Variants in SPSB4 observed in about 807,000 individuals in gnomAD.
SPSB4 encodes SPRY domain-containing SOCS box protein 4.
Under a neutral mutation model 20.9 loss-of-function variants are expected in SPSB4, and 21 were observed. That is an observed-to-expected ratio of 1.01 (90% confidence interval 0.71 to 1.45). SPSB4 has a LOEUF of 1.45. Ranked by LOEUF, SPSB4 falls within the 40% of genes most tolerant of loss-of-function variation. The pLI is 0.00. For synonymous variants in SPSB4, 207 were observed against 183.8 expected, an observed-to-expected ratio of 1.13 and a Z score of -1.02; for missense variants, 399 against 399.2, an observed-to-expected ratio of 1.00 and a Z score of 0.00.
chr3:141,084,440 G>A (rs1032182716), intron 2 of SPSB4, among the ~76,000 whole-genome samples: 8 of 152,270 alleles, frequency 5.3e-5, no homozygotes, highest in African/African-American at 1.7e-4. Context: ...GCTGTACTAT[G>A]CCAGCACAGA....
At chr3:141,079,967 G>A (rs755915736) in intron 2 of SPSB4, among the ~76,000 whole-genome samples, 7 of 152,298 alleles carry the variant, frequency 4.6e-5, no homozygotes, top group Non-Finnish European at 1.0e-4. Flanking sequence ...GCAGCAGGGA[G>A]ACACCAACAT....
Position 141,128,592 on chromosome 3 carries a change from G to A in SPSB4, c.695-18550G>A, listed in dbSNP as rs372830334. Among the ~76,000 whole-genome samples, 33 of 152,280 alleles carry A rather than the reference G, an allele frequency of 2.2e-4. 1 individual carries two copies. The East Asian group carries it at 5.0e-3, about 23-fold the overall frequency. On this transcript the variant is annotated intron_variant, in intron 2 of 2. Transcript: ENST00000310546. ...CCCCCAGAGAAGGTGGAAGGGCAACGGGGTGCCGGCACAGAATGCTTGGTC... is the reference window on the plus strand; with the variant it reads ...CCCCCAGAGAAGGTGGAAGGGCAACAGGGTGCCGGCACAGAATGCTTGGTC...
At chr3:141,073,548 T>G (rs1390064271) in intron 2 of SPSB4, among the ~76,000 whole-genome samples, 1 of 152,224 alleles carries the variant, frequency 6.6e-6, no homozygotes, top group Non-Finnish European at 1.5e-5. Flanking sequence ...TGTTTTGCTT[T>G]TCTGTTATTG....
chr3:141,137,580 C>G (rs1939250568), intron 2 of SPSB4, among the ~76,000 whole-genome samples: 1 of 152,206 alleles, frequency 6.6e-6, no homozygotes, highest in Non-Finnish European at 1.5e-5. Context: ...TTTTCTGCAT[C>G]TGTTGAGAAA....
intron 2 of SPSB4, among the ~76,000 whole-genome samples, chr3:141,141,106 C>T (rs1221553702): frequency 3.3e-5 from 5 of 152,266 alleles, no homozygotes; most frequent in African/African-American, 1.2e-4. Context: ...GAGTGAGGCT[C>T]TGTGGGCATA....
chr3:141,091,422 AATT>A (rs1262691583), intron 2 of SPSB4, among the ~76,000 whole-genome samples: 5 of 152,234 alleles, frequency 3.3e-5, no homozygotes, highest in South Asian at 2.1e-4. Flanking sequence ...TAATGACAGA[AATT>A]ATTGTTTCAA....
intron 1 of SPSB4, among the ~76,000 whole-genome samples, chr3:141,052,269 T>G (rs1229830380): frequency 1.3e-5 from 2 of 152,224 alleles, no homozygotes; most frequent in Non-Finnish European, 2.9e-5. Flanking sequence ...TTCACCCGCT[T>G]TGGTTTGGAT....
At chr3:141,110,069 C>T (rs2107798022) in intron 2 of SPSB4, among the ~76,000 whole-genome samples, 1 of 152,310 alleles carries the variant, frequency 6.6e-6, no homozygotes, top group Admixed American at 6.5e-5. Flanking sequence ...TTCTGACCTC[C>T]TCCTGACACT....
In SPSB4 at chr3:141,066,737, G is replaced by A. The variant is rs2107779512; in HGVS notation, c.633G>A (p.Pro211=). 1 of 1,603,300 alleles carries A rather than the reference G, an allele frequency of 6.2e-7. No homozygotes were observed. The highest frequency in any genetic ancestry group is 1.7e-5 in the Admixed American group (1 of 58,670). The change falls in exon 2 of 3, where the codon CCG becomes CCA. Residue 211 remains proline (P), a synonymous_variant. Transcript: ENST00000310546. ...FRGLKGKKLY[P]VVSAVWGHCE... is the part of the protein sequence containing the mutation. ...GTCTCAAGGGCAAGAAGCTGTACCC[G>A]GTGGTGAGTGCCGTGTGGGGCCACT...
At chr3:141,099,441 A>G (rs910284743) in intron 2 of SPSB4, among the ~76,000 whole-genome samples, 8 of 152,222 alleles carry the variant, frequency 5.3e-5, no homozygotes, top group Non-Finnish European at 1.2e-4. Flanking sequence ...TTTTGTATGT[A>G]TAGATTGCTT....
chr3:141,123,487 A>G (rs1939002754), intron 2 of SPSB4, among the ~76,000 whole-genome samples: 1 of 152,218 alleles, frequency 6.6e-6, no homozygotes, highest in Non-Finnish European at 1.5e-5. Context: ...CTCCTATGCC[A>G]GTACCACTCA....
intron 2 of SPSB4, chr3:141,117,240 C>G (rs1423926276): frequency 6.6e-6 from 1 of 152,268 alleles, no homozygotes; most frequent in East Asian, 1.9e-4. Flanking sequence ...CCAGCACTCC[C>G]CACGAGGCAG....
intron 1 of SPSB4, among the ~76,000 whole-genome samples, chr3:141,052,721 C>G (rs1413590200): frequency 1.3e-5 from 2 of 152,152 alleles, no homozygotes; most frequent in African/African-American, 4.8e-5. Flanking sequence ...TGAATACAAA[C>G]TTGTCTATGC....
At chr3:141,064,482 T>C (rs1245302808) in intron 1 of SPSB4, among the ~76,000 whole-genome samples, 2 of 152,212 alleles carry the variant, frequency 1.3e-5, no homozygotes, top group Admixed American at 1.3e-4. Flanking sequence ...CTGCTGAAGC[T>C]GGGATCTGAC....
chr3:141,140,820 A>G (rs1017711630), intron 2 of SPSB4, among the ~76,000 whole-genome samples: 4 of 151,258 alleles, frequency 2.6e-5, no homozygotes, highest in African/African-American at 9.7e-5. Context: ...TCAGATCTCA[A>G]GCTGCGTGCT....
intron 1 of SPSB4, among the ~76,000 whole-genome samples, chr3:141,055,132 G>A (rs1203597821): frequency 1.3e-5 from 2 of 152,162 alleles, no homozygotes; most frequent in African/African-American, 4.8e-5. Flanking sequence ...ATGCAGATGT[G>A]GTGCAAGAGA....
chr3:141,094,027 A>G (rs1938506692), intron 2 of SPSB4, among the ~76,000 whole-genome samples: 1 of 152,124 alleles, frequency 6.6e-6, no homozygotes, highest in South Asian at 2.1e-4. Context: ...CCGGCAGGCA[A>G]ATTCCCAGCT....
intron 2 of SPSB4, among the ~76,000 whole-genome samples, chr3:141,071,544 T>C (rs946618934): frequency 6.6e-6 from 1 of 152,148 alleles, no homozygotes; most frequent in African/African-American, 2.4e-5. Context: ...CCCCATTTTA[T>C]AGATGAGGAA....
At chr3:141,072,605 A>G (rs1394504809) in intron 2 of SPSB4, among the ~76,000 whole-genome samples, 1 of 152,196 alleles carries the variant, frequency 6.6e-6, no homozygotes, top group Non-Finnish European at 1.5e-5. Flanking sequence ...GGCCCTCAGC[A>G]GAAGCCGTGC....
Sources: allele counts gnomAD v4.1 joint callset (sites outside exome capture counted in the v4.1 genomes callset), GRCh38; gene constraint gnomAD v4.1.1; transcripts MANE v1.5; gene names NCBI Gene and HGNC (gene_info 2026-07-23, HGNC 2026-07-21).